TSNARE1: variants seen among roughly 807,000 people sequenced by gnomAD.
The protein encoded by TSNARE1 is t-SNARE domain-containing protein 1.
TSNARE1 carries 49 observed loss-of-function variants against 62.0 expected under a neutral mutation model. The ratio of observed to expected loss-of-function variants is 0.79; its 90% CI spans 0.63 to 1.00. The LOEUF (loss-of-function observed/expected upper bound fraction) is 1.00, where lower values mean the gene tolerates loss of function less well. Among genes scored for constraint, TSNARE1 ranks in the 50% least tolerant of loss-of-function variants. TSNARE1 has a pLI of 0.00. For missense variants in TSNARE1, 755 were observed against 700.1 expected, an observed-to-expected ratio of 1.08 and a Z score of -0.88; for synonymous variants, 328 against 294.4, an observed-to-expected ratio of 1.11 and a Z score of -1.17.
At chr8:142,242,083 G>A (rs34511810) in intron 12 of TSNARE1, among the ~76,000 whole-genome samples, 3 of 149,112 alleles carry the variant, frequency 2.0e-5, no homozygotes, top group Non-Finnish European at 3.0e-5. Context: ...ATCTCATGCC[G>A]TATACAACAA....
intron 4 of TSNARE1, among the ~76,000 whole-genome samples, chr8:142,343,524 G>A (rs893172328): frequency 4.0e-5 from 6 of 151,796 alleles, no homozygotes; most frequent in East Asian, 2.0e-4. Context: ...TGATGGTGAC[G>A]GGAGAACTCT....
rs183586053 is a variant in TSNARE1 at position 142,384,692 on chromosome 8, A to G, written c.-40+18412T>C. Among the ~76,000 whole-genome samples the G allele has an allele frequency of 2.6e-3, 392 of 152,372 alleles. 4 individuals carry two copies. The highest frequency in any genetic ancestry group is 4.7e-3 in the Non-Finnish European group (321 of 68,034). On this transcript the variant is annotated intron_variant, in intron 1 of 13. Transcript: ENST00000524325. ...ACAAAAATTATCGTGAAATGTATCAAAAGCCTAAAAGTAAAAGCTAAAATT... is the reference window on the plus strand; with the variant it reads ...ACAAAAATTATCGTGAAATGTATCAGAAGCCTAAAAGTAAAAGCTAAAATT...
chr8:142,365,164 C>T (rs1835440378), intron 1 of TSNARE1, among the ~76,000 whole-genome samples: 1 of 152,200 alleles, frequency 6.6e-6, no homozygotes, highest in Non-Finnish European at 1.5e-5. Flanking sequence ...ACCCCTCTGA[C>T]ACGATGCACA....
chr8:142,296,385 GGGAGGGGTGGTCACTGTCATGGA>G (rs1824747302), intron 10 of TSNARE1, among the ~76,000 whole-genome samples: 1 of 129,028 alleles, frequency 7.8e-6, no homozygotes, highest in African/African-American at 2.9e-5. Flanking sequence ...ACTGTCATGG[GGGAGGGGTGGTCACTGTCATGGA>G]GGAGAGGTGG....
At chr8:142,340,023 T>C (rs1190993237) in intron 4 of TSNARE1, among the ~76,000 whole-genome samples, 1 of 152,224 alleles carries the variant, frequency 6.6e-6, no homozygotes, top group South Asian at 2.1e-4. Flanking sequence ...CAGCTCATTC[T>C]GGGGCAGGGT....
At chr8:142,323,268 T>C (rs1159035713) in intron 6 of TSNARE1, among the ~76,000 whole-genome samples, 1 of 152,220 alleles carries the variant, frequency 6.6e-6, no homozygotes, top group African/African-American at 2.4e-5. Context: ...TTCTAAAATG[T>C]ATACTGAGCT....
At chr8:142,254,051 T>C (rs1169875251) in intron 12 of TSNARE1, among the ~76,000 whole-genome samples, 1 of 152,264 alleles carries the variant, frequency 6.6e-6, no homozygotes, top group African/African-American at 2.4e-5. Context: ...GCTTTTCGTT[T>C]AGAGAGCAAT....
chr8:142,287,947 G>A (rs1293781682), intron 10 of TSNARE1, among the ~76,000 whole-genome samples: 2 of 152,268 alleles, frequency 1.3e-5, no homozygotes, highest in Non-Finnish European at 2.9e-5. Context: ...AGATCTCGGG[G>A]ATCGTGGGGC....
intron 1 of TSNARE1, among the ~76,000 whole-genome samples, chr8:142,361,465 G>A (rs1011368829): frequency 1.7e-4 from 26 of 152,308 alleles, no homozygotes; most frequent in Admixed American, 1.3e-3. Context: ...AAGAAGCGGC[G>A]CTGCCTCCCA....
intron 4 of TSNARE1, among the ~76,000 whole-genome samples, chr8:142,335,987 A>G (rs1831701020): frequency 6.6e-6 from 1 of 152,184 alleles, no homozygotes; most frequent in South Asian, 2.1e-4. Flanking sequence ...CGATGAGAGT[A>G]AAAGCAAGAT....
At chr8:142,403,000 G>T (rs1483905962) in intron 1 of TSNARE1, 104 bp downstream of exon 1, 3 of 142,654 alleles carry the variant, frequency 2.1e-5, no homozygotes, top group South Asian at 2.0e-4. Context: ...GCCACGCCGC[G>T]GCCCCCGCCG....
At chr8:142,284,211 G>T (rs997284921) in intron 11 of TSNARE1, among the ~76,000 whole-genome samples, 1 of 152,246 alleles carries the variant, frequency 6.6e-6, no homozygotes, top group African/African-American at 2.4e-5. Context: ...AGCGGAGCAG[G>T]GACTAGTGGC....
At chr8:142,253,853 GC>G (rs921549838) in intron 12 of TSNARE1, among the ~76,000 whole-genome samples, 150 of 152,320 alleles carry the variant, frequency 9.8e-4, no homozygotes, top group African/African-American at 3.5e-3. Flanking sequence ...GGACTCCCGA[GC>G]CCGGAACAGG....
intron 4 of TSNARE1, among the ~76,000 whole-genome samples, chr8:142,336,948 T>C (rs1831837668): frequency 6.6e-6 from 1 of 151,730 alleles, no homozygotes; most frequent in Non-Finnish European, 1.5e-5. Flanking sequence ...AATTAGGAAA[T>C]AACTGAATGA....
intron 7 of TSNARE1, among the ~76,000 whole-genome samples, chr8:142,316,921 G>A (rs1037067994): frequency 1.3e-5 from 2 of 151,912 alleles, no homozygotes; most frequent in South Asian, 2.1e-4. Flanking sequence ...GCTGAGCCAC[G>A]CTGCTGGCTC....
rs151104012 is a variant in TSNARE1, at chr8:142,311,531, A to G, written c.1131+2853T>C. On this transcript the variant is annotated intron_variant, in intron 9 of 13. Transcript: ENST00000524325. ...AGGCTGGTCTCGAACTCCCAACCTC[A>G]GGTGATCCACCCACCTCGGCCTCCC... 4.2e-4 allele frequency among the ~76,000 whole-genome samples: 64 copies of G among 152,036 alleles called. 4 individuals are homozygous for G. The highest frequency in any genetic ancestry group is 1.5e-3 in the African/African-American group (63 of 41,446).
intron 12 of TSNARE1, chr8:142,270,063 A>T (rs1002545321): frequency 2.0e-6 from 2 of 985,310 alleles, no homozygotes; most frequent in East Asian, 2.3e-4. Flanking sequence ...CTCCTGGGAC[A>T]GGCTTTGGGC....
rs190894348 is a variant in TSNARE1 at position 142,267,252 on chromosome 8, G to T, written c.1446+7529C>A. ...CCCAAAAGATTCTTCTTATTTTGTG[G>T]GTATCCCAAAGGCCTGACTAGGGGA... On this transcript the variant is annotated intron_variant, in intron 12 of 13. Coordinates refer to ENST00000524325, the MANE Select transcript of TSNARE1 (RefSeq NM_145003.5). Among the ~76,000 whole-genome samples the T allele has an allele frequency of 2.6e-5, 4 of 152,244 alleles. No homozygotes were observed. The East Asian group carries it at 7.7e-4, about 29-fold the overall frequency.
rs771083117 is a variant in TSNARE1 at position 142,344,460 on chromosome 8, G to A, written c.251C>T (p.Ala84Val). 3 of 1,558,108 alleles carry A rather than the reference G, an allele frequency of 1.9e-6. No individual in the cohort carries two copies. Among genetic ancestry groups the A allele is most frequent in the East Asian group, 4.6e-5 (2 of 43,086 alleles). ...PRARKRGPGV[A>V]PEGSRMPEPT... ...CTCCGGCATCCGGCTGCCTTCAGGG[G>A]CAACCCCAGGCCCTGGAAAGGCACC... The change falls in exon 4 of 14, where the codon GCC (alanine) becomes GTC (valine). Residue 84 changes from alanine to valine, a missense_variant. By Grantham distance (64) the Ala-to-Val change is moderately conservative (BLOSUM62 0). Coordinates refer to ENST00000524325, the MANE Select transcript of TSNARE1 (RefSeq NM_145003.5).
Sources: allele counts gnomAD v4.1 joint callset (sites outside exome capture counted in the v4.1 genomes callset), GRCh38; gene constraint gnomAD v4.1.1; transcripts MANE v1.5; gene names NCBI Gene and HGNC (gene_info 2026-07-23, HGNC 2026-07-21).